GKN2: variants seen among roughly 807,000 people sequenced by gnomAD.
GKN2 encodes the protein gastrokine 2.
GKN2 carries 17 observed loss-of-function variants against 22.7 expected under a neutral mutation model. The ratio of observed to expected loss-of-function variants is 0.75; its 90% CI spans 0.51 to 1.13. The LOEUF (loss-of-function observed/expected upper bound fraction) is 1.13. GKN2 is among the 50% of genes most tolerant of loss of function. The probability of loss-of-function intolerance (pLI) is 0.00; values close to 1 mark genes in which losing one functional copy is unlikely to be tolerated. For synonymous variants in GKN2, 82 were observed against 79.6 expected (o/e 1.03, Z -0.16); for missense variants, 248 against 221.4 (o/e 1.12, Z -0.76).
In GKN2 at chr2:68,947,353, A is replaced by G. The variant is rs72907531; in HGVS notation, c.205-96T>C. ...TGAACCTCGGAAGAAAGACTTGAAC[A>G]TGCACAGTGAATATATGGTGGGATT... On this transcript the variant is annotated intron_variant, in intron 3 of 5. Transcript: ENST00000328895. 2.9e-3 allele frequency: 2,206 copies of G among 758,988 alleles called. 32 individuals carry two copies. The African/African-American group carries it at 0.031, about 11-fold the overall frequency. 47.0% of individuals were successfully genotyped at this position (758,988 alleles called of 1,614,324 possible).
In GKN2 at chr2:68,947,252, G is replaced by T; in HGVS notation, c.210C>A (p.Tyr70Ter). 1 of 1,606,374 alleles carries T rather than the reference G, an allele frequency of 6.2e-7. No individual in the cohort carries two copies. Among genetic ancestry groups the T allele is most frequent in the East Asian group, 2.2e-5 (1 of 44,836 alleles). The change falls in exon 4 of 6, where the codon TAC becomes TAA. Residue 70 changes from tyrosine to a stop codon, truncating the protein, a stop_gained. Coordinates refer to ENST00000328895, the MANE Select transcript of GKN2 (RefSeq NM_182536.3). LOFTEE classifies it high-confidence loss of function. ...STTIFDYKHG[Y>*]IASRVLSRRA... Reference sequence around the variant, plus strand: ...TTCGGGAGAGCACCCTGGATGCAATGTAGCCCTGAGGCAGCAAGAGTACAG... The same window carrying T: ...TTCGGGAGAGCACCCTGGATGCAATTTAGCCCTGAGGCAGCAAGAGTACAG...
Position 68,949,900 on chromosome 2 carries a change from G to C in GKN2, c.204+226C>G, listed in dbSNP as rs1669829326. ...TACTCTTCCAATTTCTACCTGAAAA[G>C]GTCAAGCAAATGCATATGTTTCCTG... On this transcript the variant is annotated intron_variant, in intron 3 of 5. Coordinates refer to ENST00000328895, the MANE Select transcript of GKN2 (RefSeq NM_182536.3). 2.0e-5 allele frequency among the ~76,000 whole-genome samples: 3 copies of C among 152,116 alleles called. No individual in the cohort carries two copies. In the South Asian group the frequency reaches 6.2e-4, roughly 32 times the overall value.
intron 5 of GKN2, 165 bp from the exon 6 acceptor site, chr2:68,945,615 G>T: frequency 1.9e-6 from 1 of 518,886 alleles, no homozygotes; most frequent in Non-Finnish European, 3.5e-6. Context: ...ATACCTATGT[G>T]CCTTTATTTA....
chr2:68,950,083 G>A (rs1203744234), intron 3 of GKN2, 43 bp downstream of exon 3: 3 of 1,582,898 alleles, frequency 1.9e-6, no homozygotes, highest in Admixed American at 3.5e-5. Context: ...CTGCTCTTTA[G>A]CAAACTAGTC....
rs546629903 is a variant in GKN2 at position 68,950,957 on chromosome 2, G to A, written c.13-202C>T. Among the ~76,000 whole-genome samples, 6 of 152,262 alleles carry A rather than the reference G, an allele frequency of 3.9e-5. No homozygotes were observed. In the East Asian group the frequency reaches 1.2e-3, roughly 29 times the overall value. On this transcript the variant is annotated intron_variant, in intron 1 of 5. Coordinates refer to ENST00000328895, the MANE Select transcript of GKN2 (RefSeq NM_182536.3). ...GGCTCATTTAACAGGCATTTGTTGA[G>A]TTCATTCTATTTGCCAGACACAGGG...
intron 5 of GKN2, 51 bp downstream of exon 5, chr2:68,946,253 A>G: frequency 6.6e-7 from 1 of 1,519,886 alleles, no homozygotes; most frequent in Non-Finnish European, 8.9e-7. Context: ...CACCTGGCAC[A>G]TAGTAGCTTT....
In GKN2 at chr2:68,945,296, A is replaced by G. The variant is rs1026358720; in HGVS notation, c.*72T>C. On this transcript the variant is annotated 3_prime_UTR_variant, in exon 6 of 6. Transcript: ENST00000328895. Reference sequence around the variant, plus strand: ...AAATTAGTTGGGGCATTGGGAAAGAATTTAATTTGACTTTTGAGTGTAAAC... The same window carrying G: ...AAATTAGTTGGGGCATTGGGAAAGAGTTTAATTTGACTTTTGAGTGTAAAC... 4 of 1,132,488 alleles carry G rather than the reference A, an allele frequency of 3.5e-6. No individual in the cohort carries two copies. In the South Asian group the frequency reaches 6.0e-5, roughly 17 times the overall value. The allele number at this position is 1,132,488 out of a possible 1,614,324, so 70.2% of individuals were successfully genotyped here. A position where few individuals can be genotyped will look rare whatever the true frequency, so the allele number is the denominator to read the frequency against.
Position 68,945,321 on chromosome 2 carries a change from C to T in GKN2, c.*47G>A. 2 of 1,360,738 alleles carry T rather than the reference C, an allele frequency of 1.5e-6. No homozygotes were observed. Among genetic ancestry groups the T allele is most frequent in the Non-Finnish European group, 2.0e-6 (2 of 979,088 alleles). The allele number at this position is 1,360,738 out of a possible 1,614,324, so 84.3% of individuals were successfully genotyped here. On this transcript the variant is annotated 3_prime_UTR_variant, in exon 6 of 6. Transcript: ENST00000328895. ...ATTTAATTTGACTTTTGAGTGTAAA[C>T]CAAGGATGTATTTCTTTGAAAAGAT...
At chr2:68,952,703 G>T in intron 1 of GKN2, 147 bp downstream of exon 1, 1 of 653,126 alleles carries the variant, frequency 1.5e-6, no homozygotes, top group Non-Finnish European at 2.4e-6. Context: ...CACTATTTCT[G>T]CCAAAGATGT....
intron 5 of GKN2, chr2:68,946,079 G>A (rs556324466): frequency 4.7e-6 from 2 of 427,706 alleles, no homozygotes. Context: ...CTTTTCACTT[G>A]TCAGCTTCTT....
At chr2:68,952,656 A>G (rs114341504) in intron 1 of GKN2, among the ~76,000 whole-genome samples, 194 bp downstream of exon 1, 2,312 of 152,294 alleles carry the variant, frequency 0.015, 51 homozygotes, top group African/African-American at 0.053. Flanking sequence ...AAACATCTCA[A>G]AACAGGAAAA....
rs1196851743 is a variant in GKN2, at chr2:68,952,528, T to C, written c.12+322A>G. Among the ~76,000 whole-genome samples, 4 of 152,216 alleles carry C rather than the reference T, an allele frequency of 2.6e-5. No homozygotes were observed. In the East Asian group the frequency reaches 5.8e-4, roughly 22 times the overall value. ...CAGCTTCTCTCTTAGATAGCAAATG[T>C]AGTTGTTTTAAATAGCCCAAATTCC... On this transcript the variant is annotated intron_variant, in intron 1 of 5. Transcript: ENST00000328895.
intron 3 of GKN2, among the ~76,000 whole-genome samples, chr2:68,948,117 G>A (rs1388279278): frequency 1.3e-5 from 2 of 151,700 alleles, no homozygotes; most frequent in Non-Finnish European, 2.9e-5. Flanking sequence ...GTGGTGGCGG[G>A]CACCTGTAGT....
In GKN2 at chr2:68,952,875, G is replaced by C; in HGVS notation, c.-14C>G. The C allele has an allele frequency of 6.2e-7, 1 of 1,613,908 alleles. No homozygotes were observed. Reference sequence around the variant, plus strand: ...AAGTATTTTCATTTTGCCTGGGAGAGGAAGGTGCTGGAGTAAGTAAAGCTG... The same window carrying C: ...AAGTATTTTCATTTTGCCTGGGAGACGAAGGTGCTGGAGTAAGTAAAGCTG... On this transcript the variant is annotated 5_prime_UTR_variant, in exon 1 of 6. Coordinates refer to ENST00000328895, the MANE Select transcript of GKN2 (RefSeq NM_182536.3).
chr2:68,951,142 C>T (rs1669848379), intron 1 of GKN2, among the ~76,000 whole-genome samples: 1 of 151,878 alleles, frequency 6.6e-6, no homozygotes, highest in Non-Finnish European at 1.5e-5. Flanking sequence ...AAATTGTGTC[C>T]TCTAAAAAAA....
At chr2:68,950,099 G>T (rs1669833393) in intron 3 of GKN2, 27 bp downstream of exon 3, 1 of 1,607,722 alleles carries the variant, frequency 6.2e-7, no homozygotes, top group Non-Finnish European at 8.5e-7. Context: ...TAGTCCTGAT[G>T]AATATGAAAA....
intron 3 of GKN2, 107 bp downstream of exon 3, chr2:68,950,019 C>T: frequency 1.2e-6 from 1 of 844,014 alleles, no homozygotes; most frequent in East Asian, 3.0e-5. Context: ...TAAAGAATTG[C>T]AAGGTTAAGT....
rs1468809990 is a variant in GKN2 at position 68,945,391 on chromosome 2, T to C, written c.532A>G (p.Ile178Val). 5.0e-6 allele frequency: 8 copies of C among 1,611,502 alleles called. No homozygotes were observed. Among genetic ancestry groups the C allele is most frequent in the African/African-American group, 2.7e-5 (2 of 74,868 alleles). Reference sequence around the variant, plus strand: ...TCCTAAACATGAATGTCTGCACAGATTGAAATTCCCAAGATGCCCAGGAGC... The same window carrying C: ...TCCTAAACATGAATGTCTGCACAGACTGAAATTCCCAAGATGCCCAGGAGC... ...AGLLGILGIS[I>V]CADIHV The change falls in exon 6 of 6, where the codon ATC becomes GTC. Residue 178 changes from isoleucine to valine, a missense_variant. Coordinates refer to ENST00000328895, the MANE Select transcript of GKN2 (RefSeq NM_182536.3).
chr2:68,950,371 A>G (rs998251350), intron 2 of GKN2, 108 bp from the exon 3 acceptor site: 57 of 1,103,600 alleles, frequency 5.2e-5, no homozygotes, highest in Non-Finnish European at 6.9e-5. Context: ...GGGATTAAAA[A>G]CTAAAACTGT....
Sources: gnomAD v4.1 joint callset for allele counts (sites outside exome capture counted in the v4.1 genomes callset) on GRCh38, gnomAD v4.1.1 for gene constraint, MANE v1.5 for transcripts, NCBI Gene and HGNC (gene_info 2026-07-23, HGNC 2026-07-21) for gene names.